The following SRI variants were observed in gnomAD, a reference collection of about 807,000 sequenced individuals.
SRI encodes the protein 22 kDa protein.
Under a neutral mutation model 33.3 loss-of-function variants are expected in SRI, and 30 were observed. That is an observed-to-expected ratio of 0.90 (90% CI 0.67 to 1.22). The LOEUF is 1.22. SRI is among the 50% of genes most tolerant of loss of function. The probability of loss-of-function intolerance (pLI) is 0.00; values close to 1 mark genes in which losing one functional copy is unlikely to be tolerated. For missense variants in SRI, 243 were observed against 250.8 expected, an observed-to-expected ratio of 0.97 and a Z score of 0.21; for synonymous variants, 75 against 89.9, an observed-to-expected ratio of 0.83 and a Z score of 0.94.
At chr7:88,223,215 A>G (rs187932596), upstream of SRI, among the ~76,000 whole-genome samples, 10 of 152,398 alleles carry the variant, frequency 6.6e-5, no homozygotes, top group Admixed American at 5.9e-4. Context: ...GTGGCAACTT[A>G]TAATACCATC....
intron 6 of SRI, 47 bp from the exon 7 acceptor site, chr7:88,208,612 T>G: frequency 6.2e-7 from 1 of 1,608,988 alleles, no homozygotes. Flanking sequence ...TAAATGGTTT[T>G]TCTAAAATCA....
chr7:88,226,470 A>G (rs1335410638), intron 1 of SRI, among the ~76,000 whole-genome samples: 1 of 152,108 alleles, frequency 6.6e-6, no homozygotes, highest in Non-Finnish European at 1.5e-5. Context: ...AAGATAATAC[A>G]ATCTCCATCT....
chr7:88,214,961 C>G, intron 3 of SRI: 1 of 562,222 alleles, frequency 1.8e-6, no homozygotes, highest in Non-Finnish European at 3.1e-6. Context: ...AAAAGAGAAG[C>G]TGAATTACAA....
At chr7:88,219,862 G>T in intron 1 of SRI, 114 bp downstream of exon 1, 1 of 1,318,130 alleles carries the variant, frequency 7.6e-7, no homozygotes, top group Non-Finnish European at 1.0e-6. Context: ...GAGGGCGGAA[G>T]GAGCCCGGGT....
chr7:88,221,827 A>G (rs966019919), upstream of SRI, among the ~76,000 whole-genome samples: 1 of 144,502 alleles, frequency 6.9e-6, no homozygotes, highest in Non-Finnish European at 1.5e-5. Flanking sequence ...TCCCAATGCT[A>G]TCCCTCTCCC....
At position 88,219,964 on chromosome 7, in the gene SRI, G is replaced by A. The variant is rs756386352; in HGVS notation, c.51+12C>T. ...GCCGCCTGGGCCGCGATCCCGCGCA[G>A]TCAGCACTTACCCCGCCTGGGTAGT... On this transcript the variant is annotated intron_variant, in intron 1 of 7. Transcript: ENST00000265729. 1 of 1,540,238 alleles carries A rather than the reference G, an allele frequency of 6.5e-7. No homozygotes were observed. Among genetic ancestry groups the A allele is most frequent in the Non-Finnish European group, 8.7e-7 (1 of 1,146,286 alleles).
At chr7:88,210,772 CT>C in intron 4 of SRI, 109 bp downstream of exon 4, 1 of 1,077,038 alleles carries the variant, frequency 9.3e-7, no homozygotes, top group Middle Eastern at 2.9e-4. Flanking sequence ...TTTCAGAAAG[CT>C]TTTTAGTGAT....
chr7:88,225,892 A>G (rs1851982446), intron 1 of SRI, among the ~76,000 whole-genome samples: 2 of 152,234 alleles, frequency 1.3e-5, no homozygotes, highest in Admixed American at 6.5e-5. Context: ...TTTTTGATGA[A>G]CAAGATGTAA....
Position 88,218,926 on chromosome 7 carries a change from C to T in SRI, c.68G>A (p.Gly23Glu), listed in dbSNP as rs755405864. 2 of 1,614,014 alleles carry T rather than the reference C, an allele frequency of 1.2e-6. No homozygotes were observed. The highest frequency in any genetic ancestry group is 4.5e-5 in the East Asian group (2 of 44,882). Reference sequence around the variant, plus strand: ...AGTTTGTCCGGGAAACGCAGGCCCTCCGGGAGCCCCTCCATACTGTGAAAC... The same window carrying T: ...AGTTTGTCCGGGAAACGCAGGCCCTTCGGGAGCCCCTCCATACTGTGAAAC... ...YYPGGYGGAP[G>E]GPAFPGQTQD... Residue 23 changes from glycine (G) to glutamate (E), a missense_variant, in exon 2 of 8, where the codon GGA (glycine) becomes GAA (glutamate). Transcript: ENST00000265729.
chr7:88,209,226 T>C, intron 6 of SRI, 113 bp downstream of exon 6: 2 of 860,474 alleles, frequency 2.3e-6, no homozygotes, highest in Non-Finnish European at 1.8e-6. Context: ...TGAAAAAAAC[T>C]ACTAAAGCAA....
chr7:88,218,163 GCACA>G (rs796746330), intron 2 of SRI, among the ~76,000 whole-genome samples: 9 of 152,280 alleles, frequency 5.9e-5, no homozygotes, highest in African/African-American at 2.2e-4. Context: ...TATATTTACT[GCACA>G]CAGTGACCTC....
At chr7:88,220,629 A>C (rs1176725302), upstream of SRI, among the ~76,000 whole-genome samples, 2 of 152,308 alleles carry the variant, frequency 1.3e-5, no homozygotes, top group East Asian at 3.9e-4. Context: ...ACTGAACGAC[A>C]ACGGCGTATT....
chr7:88,211,715 C>T (rs1209370797), intron 3 of SRI, among the ~76,000 whole-genome samples: 1 of 152,146 alleles, frequency 6.6e-6, no homozygotes, highest in Admixed American at 6.5e-5. Flanking sequence ...TCTATGACCT[C>T]TTAGCTTATA....
chr7:88,217,300 T>TA, intron 2 of SRI, 109 bp from the exon 3 acceptor site: 5 of 951,010 alleles, frequency 5.3e-6, no homozygotes, highest in Non-Finnish European at 8.2e-6. Flanking sequence ...ATCTTTTTTT[T>TA]ATTTAAAAGG....
chr7:88,220,034 A>C lies in SRI; in HGVS notation c.-8T>G, dbSNP rs1385062610. The stretch of plus-strand genomic sequence containing the variant: ...ATGCCCCGGGTACGCCATGCTGCAG[A>C]CTGCGCCGCAGCCGCCCTCGCCCTG... On this transcript the variant is annotated 5_prime_UTR_variant, in exon 1 of 8. Coordinates refer to ENST00000265729, the MANE Select transcript of SRI (RefSeq NM_003130.4). 1.3e-6 allele frequency: 2 copies of C among 1,525,804 alleles called. No homozygotes were observed. The highest frequency in any genetic ancestry group is 1.8e-6 in the Non-Finnish European group (2 of 1,142,746). The allele number at this position is 1,525,804 out of a possible 1,614,324, so 94.5% of individuals were successfully genotyped here. A position where few individuals can be genotyped will look rare whatever the true frequency, so the allele number is the denominator to read the frequency against.
At chr7:88,222,835 A>G (rs1469807022), upstream of SRI, among the ~76,000 whole-genome samples, 2 of 152,166 alleles carry the variant, frequency 1.3e-5, no homozygotes, top group Non-Finnish European at 1.5e-5. Context: ...CTTACACCTT[A>G]TACAAAAATC....
At chr7:88,210,222 G>C in intron 4 of SRI, 92 bp from the exon 5 acceptor site, 1 of 1,357,256 alleles carries the variant, frequency 7.4e-7, no homozygotes, top group Non-Finnish European at 1.1e-6. Context: ...AATATTCAAT[G>C]GCTAAAAAAG....
chr7:88,220,626 G>A (rs911694138), upstream of SRI, among the ~76,000 whole-genome samples: 3 of 152,190 alleles, frequency 2.0e-5, no homozygotes, highest in Non-Finnish European at 4.4e-5. Flanking sequence ...TTCACTGAAC[G>A]ACAACGGCGT....
chr7:88,215,198 G>A (rs1343452131), intron 3 of SRI, among the ~76,000 whole-genome samples: 1 of 152,174 alleles, frequency 6.6e-6, no homozygotes, highest in Non-Finnish European at 1.5e-5. Context: ...TGGTTCTGTG[G>A]TTCAGTACGG....
Sources: allele counts gnomAD v4.1 joint callset (sites outside exome capture counted in the v4.1 genomes callset), GRCh38; gene constraint gnomAD v4.1.1; transcripts MANE v1.5; gene names NCBI Gene and HGNC (gene_info 2026-07-23, HGNC 2026-07-21).